The following SDK1 variants were observed in gnomAD, a reference collection of about 807,000 sequenced individuals.
SDK1 encodes protein sidekick-1.
A neutral mutation model predicts 245.5 loss-of-function variants in SDK1; 157 were observed. The ratio of observed to expected loss-of-function variants is 0.64; its 90% CI spans 0.56 to 0.73. The LOEUF (loss-of-function observed/expected upper bound fraction) is 0.73. Among genes scored for constraint, SDK1 ranks in the 30% least tolerant of loss-of-function variants. The probability of loss-of-function intolerance (pLI) is 0.00; values close to 1 mark genes in which losing one functional copy is unlikely to be tolerated. For synonymous variants in SDK1, 1,647 were observed against 1,278.5 expected (o/e 1.29, Z -6.15); for missense variants, 3,583 against 3,002.3 (o/e 1.19, Z -4.52).
chr7:3,517,879 A>C (rs551420261), intron 1 of SDK1, among the ~76,000 whole-genome samples: 1 of 152,228 alleles, frequency 6.6e-6, no homozygotes, highest in African/African-American at 2.4e-5. Flanking sequence ...ATTCCTTTTT[A>C]TTATGGTATC....
intron 2 of SDK1, among the ~76,000 whole-genome samples, chr7:3,638,709 C>T (rs1224224772): frequency 6.7e-6 from 1 of 150,034 alleles, no homozygotes; most frequent in Non-Finnish European, 1.5e-5. Flanking sequence ...GGGTGCAGCA[C>T]ACCAGCATGG....
intron 1 of SDK1, among the ~76,000 whole-genome samples, chr7:3,528,506 G>C (rs1783228797): frequency 6.6e-6 from 1 of 151,976 alleles, no homozygotes; most frequent in Non-Finnish European, 1.5e-5. Flanking sequence ...ATTTTGAGTA[G>C]GGTTGGGCTG....
In SDK1 at chr7:4,017,318, C is replaced by A. The variant is rs745840751; in HGVS notation, c.2568C>A (p.Phe856Leu). The stretch of plus-strand genomic sequence containing the variant: ...ACAACGGGGCCGGTCTGGGCGTCTT[C>A]AGCAGGGCAGTGACCGAGTACACCT... The part of the protein sequence containing the change: ...AAYNGAGLGV[F>L]SRAVTEYTLQ... The change falls in exon 17 of 45, where the codon TTC (phenylalanine) becomes TTA (leucine). Residue 856 changes from phenylalanine (F) to leucine (L), a missense_variant. Transcript: ENST00000404826. 6.2e-7 allele frequency: 1 copy of A among 1,613,718 alleles called. No homozygotes were observed. The highest frequency in any genetic ancestry group is 8.5e-7 in the Non-Finnish European group (1 of 1,179,790).
rs1292908733 is a variant in SDK1, at chr7:3,969,412, C to G, written c.1702C>G (p.Leu568Val). 6.9e-6 allele frequency: 11 copies of G among 1,598,742 alleles called. No homozygotes were observed. Among genetic ancestry groups the G allele is most frequent in the Admixed American group, 5.2e-5 (3 of 58,208 alleles). ...GGGCTCCCTGAATGCATCGGCCACG[C>G]TCACTGTGTGGAGTAAGGAGCAGCC... Reference protein sequence around the residue: ...TEGSLNASATLTVWNRTSIVH... With the variant: ...TEGSLNASATVTVWNRTSIVH... Residue 568 changes from leucine to valine, a missense_variant, in exon 11 of 45, where the codon CTC (leucine) becomes GTC (valine). Leu to Val is a conservative substitution (Grantham distance 32, BLOSUM62 1). Coordinates refer to ENST00000404826, the MANE Select transcript of SDK1 (RefSeq NM_152744.4).
intron 1 of SDK1, among the ~76,000 whole-genome samples, chr7:3,602,311 C>G (rs1377292392): frequency 6.6e-6 from 1 of 151,088 alleles, no homozygotes; most frequent in Non-Finnish European, 1.5e-5. Context: ...AAAAGTGTTC[C>G]TATTTCTCCA....
intron 40 of SDK1, among the ~76,000 whole-genome samples, chr7:4,224,370 G>A (rs1785303296): frequency 6.6e-6 from 1 of 152,226 alleles, no homozygotes; most frequent in Non-Finnish European, 1.5e-5. Context: ...ACGCCACATG[G>A]CTGGGGCAGG....
intron 1 of SDK1, among the ~76,000 whole-genome samples, chr7:3,381,656 G>T (rs962310551): frequency 6.6e-6 from 1 of 152,160 alleles, no homozygotes; most frequent in African/African-American, 2.4e-5. Context: ...ATTTTCCAAC[G>T]GAGGTGGAAG....
chr7:3,417,300 G>C (rs1300845733), intron 1 of SDK1, among the ~76,000 whole-genome samples: 1 of 152,148 alleles, frequency 6.6e-6, no homozygotes, highest in African/African-American at 2.4e-5. Context: ...GGTGGGACAT[G>C]GGCTGCCCCT....
At chr7:3,812,883 A>G (rs568068247) in intron 4 of SDK1, among the ~76,000 whole-genome samples, 1 of 152,112 alleles carries the variant, frequency 6.6e-6, no homozygotes, top group Non-Finnish European at 1.5e-5. Context: ...AATGAACACA[A>G]CTCAGCTAGT....
At chr7:3,820,404 T>C (rs1779615855) in intron 4 of SDK1, among the ~76,000 whole-genome samples, 1 of 152,132 alleles carries the variant, frequency 6.6e-6, no homozygotes. Context: ...CACCTCGCCC[T>C]CCCAAAGTGC....
chr7:3,693,778 G>T (rs1459247318), intron 4 of SDK1, among the ~76,000 whole-genome samples: 1 of 152,182 alleles, frequency 6.6e-6, no homozygotes, highest in Middle Eastern at 3.4e-3. Flanking sequence ...TTCTGGCACT[G>T]GCCTATAATT....
At chr7:3,498,038 G>A (rs538823950) in intron 1 of SDK1, among the ~76,000 whole-genome samples, 1 of 152,176 alleles carries the variant, frequency 6.6e-6, no homozygotes, top group Non-Finnish European at 1.5e-5. Context: ...TTGATTTAAA[G>A]AAACTAACAC....
At chr7:3,802,190 T>C (rs1017061862) in intron 4 of SDK1, among the ~76,000 whole-genome samples, 15 of 152,066 alleles carry the variant, frequency 9.9e-5, no homozygotes, top group Non-Finnish European at 1.8e-4. Flanking sequence ...TGTAGTTCTT[T>C]GTCATTTTAC....
At chr7:3,552,339 C>G (rs114789684) in intron 1 of SDK1, among the ~76,000 whole-genome samples, 4 of 152,176 alleles carry the variant, frequency 2.6e-5, no homozygotes, top group Non-Finnish European at 5.9e-5. Context: ...CCGCGCCCAG[C>G]TGATTTTACT....
chr7:4,050,057 T>C lies in SDK1; in HGVS notation c.2718+594T>C, dbSNP rs376272401. Among the ~76,000 whole-genome samples the C allele has an allele frequency of 3.6e-3, 551 of 152,294 alleles. 6 individuals are homozygous for C. The South Asian group carries it at 0.039, about 11-fold the overall frequency. ...CACCATCACAAAGCACAGCTGATCC[T>C]CCCTTTCAGATCAGCTTCTCCTGAT... On this transcript the variant is annotated intron_variant, in intron 18 of 44. Transcript: ENST00000404826.
At chr7:3,778,019 T>C (rs1780616342) in intron 4 of SDK1, among the ~76,000 whole-genome samples, 1 of 152,232 alleles carries the variant, frequency 6.6e-6, no homozygotes, top group South Asian at 2.1e-4. Flanking sequence ...TTGTTTTACA[T>C]AAGTAGTTTG....
At chr7:3,910,817 A>C (rs559418316) in intron 5 of SDK1, among the ~76,000 whole-genome samples, 2 of 152,338 alleles carry the variant, frequency 1.3e-5, no homozygotes, top group South Asian at 2.1e-4. Context: ...TTATCCAGAA[A>C]AACTGATTAT....
intron 8 of SDK1, among the ~76,000 whole-genome samples, chr7:3,959,429 T>C (rs1192147663): frequency 1.3e-5 from 2 of 152,130 alleles, no homozygotes; most frequent in African/African-American, 4.8e-5. Context: ...GAGATGGGTG[T>C]ACATGTATTT....
rs143321198 is a variant in SDK1, at chr7:3,348,865, A to G, written c.298+46981A>G. Among the ~76,000 whole-genome samples, 427 of 152,262 alleles carry G rather than the reference A, an allele frequency of 2.8e-3. 5 individuals are homozygous for G. Among genetic ancestry groups the G allele is most frequent in the Non-Finnish European group, 2.3e-3 (159 of 68,012 alleles). On this transcript the variant is annotated intron_variant, in intron 1 of 44. Coordinates refer to ENST00000404826, the MANE Select transcript of SDK1 (RefSeq NM_152744.4). ...TGACTTTTGCTTTTATTAACTACTT[A>G]AGGTTTATCTATAGCAAGTTCCAGT...
Sources: gnomAD v4.1 joint callset for allele counts (sites outside exome capture counted in the v4.1 genomes callset) on GRCh38, gnomAD v4.1.1 for gene constraint, MANE v1.5 for transcripts, NCBI Gene and HGNC (gene_info 2026-07-23, HGNC 2026-07-21) for gene names.